The following DLC1 variants were observed in gnomAD, a reference collection of about 807,000 sequenced individuals.
DLC1 encodes rho GTPase-activating protein 7.
DLC1 carries 54 observed loss-of-function variants against 140.3 expected under a neutral mutation model. The ratio of observed to expected loss-of-function variants is 0.38; its 90% confidence interval spans 0.31 to 0.48. The LOEUF is 0.48. DLC1 is among the 20% of genes least tolerant of loss of function. The pLI is 0.96. For missense variants in DLC1, 2,536 were observed against 1,907.0 expected (o/e 1.33, Z -6.14); for synonymous variants, 986 against 728.1 (o/e 1.35, Z -5.70).
At position 13,393,142 on chromosome 8, in the gene DLC1, A is replaced by C. The variant is rs774304854; in HGVS notation, c.1314+411T>G. Among the ~76,000 whole-genome samples the C allele has an allele frequency of 9.2e-5, 14 of 151,434 alleles. 1 individual carries two copies. Among genetic ancestry groups the C allele is most frequent in the Non-Finnish European group, 4.4e-5 (3 of 67,672 alleles). Reference sequence around the variant, plus strand: ...AATCAATCAGTCTATCTGTCCATCCATCCATCCATCCATCCATCCATCATC... The same window carrying C: ...AATCAATCAGTCTATCTGTCCATCCCTCCATCCATCCATCCATCCATCATC... On this transcript the variant is annotated intron_variant, in intron 4 of 17. Transcript: ENST00000276297.
At chr8:13,552,710 T>C (rs931398860) in intron 1 of DLC1, among the ~76,000 whole-genome samples, 18 of 151,880 alleles carry the variant, frequency 1.2e-4, no homozygotes, top group African/African-American at 4.1e-4. Flanking sequence ...GAAAATGTTT[T>C]TTAAAGGGTT....
At chr8:13,442,786 G>T (rs1464835797) in intron 2 of DLC1, among the ~76,000 whole-genome samples, 3 of 152,248 alleles carry the variant, frequency 2.0e-5, no homozygotes, top group Non-Finnish European at 4.4e-5. Flanking sequence ...CATTGTGGAA[G>T]TCAGTGTGGT....
intron 2 of DLC1, among the ~76,000 whole-genome samples, chr8:13,497,339 T>C (rs1470904824): frequency 9.8e-5 from 15 of 152,342 alleles, no homozygotes; most frequent in African/African-American, 3.6e-4. Flanking sequence ...AATTGTAGTT[T>C]TCTAGGATAA....
At chr8:13,314,599 C>A (rs888004527) in intron 4 of DLC1, among the ~76,000 whole-genome samples, 5 of 152,230 alleles carry the variant, frequency 3.3e-5, no homozygotes, top group South Asian at 2.1e-4. Flanking sequence ...TCAATGCCTG[C>A]ATGTTCATCT....
intron 7 of DLC1, among the ~76,000 whole-genome samples, chr8:13,108,276 G>C (rs1819764015): frequency 1.3e-5 from 2 of 152,044 alleles, no homozygotes; most frequent in Admixed American, 6.6e-5. Context: ...CCAACCCTAG[G>C]CCTTTCTGCA....
At chr8:13,087,915 G>C (rs1817700052) in intron 16 of DLC1, among the ~76,000 whole-genome samples, 1 of 152,132 alleles carries the variant, frequency 6.6e-6, no homozygotes, top group Non-Finnish European at 1.5e-5. Context: ...ATCCTAAAAG[G>C]GGCAAAAATC....
intron 5 of DLC1, among the ~76,000 whole-genome samples, chr8:13,249,326 C>T (rs1829904200): frequency 6.6e-6 from 1 of 152,204 alleles, no homozygotes; most frequent in South Asian, 2.1e-4. Context: ...AATCCACCCG[C>T]CTCAGCCTCT....
At chr8:13,523,856 CT>C (rs200934872) in intron 1 of DLC1, among the ~76,000 whole-genome samples, 44 of 146,898 alleles carry the variant, frequency 3.0e-4, no homozygotes, top group African/African-American at 3.7e-4. Context: ...TTGTTCTGTT[CT>C]TTTTTTTTTA....
At chr8:13,567,497 C>G in intron 1 of DLC1, 13 of 1,551,986 alleles carry the variant, frequency 8.4e-6, no homozygotes, top group Non-Finnish European at 1.1e-5. Context: ...TGTACTGTAC[C>G]CGATGAACTT....
intron 1 of DLC1, among the ~76,000 whole-genome samples, chr8:13,531,859 A>G (rs976963178): frequency 2.0e-5 from 3 of 152,152 alleles, no homozygotes; most frequent in Non-Finnish European, 2.9e-5. Context: ...AAGGCTTACC[A>G]TATATTACAA....
intron 10 of DLC1, among the ~76,000 whole-genome samples, chr8:13,097,435 T>C (rs555989198): frequency 6.6e-6 from 1 of 152,162 alleles, no homozygotes; most frequent in African/African-American, 2.4e-5. Flanking sequence ...AGCTAATTTT[T>C]GTATTTTTAG....
intron 2 of DLC1, among the ~76,000 whole-genome samples, chr8:13,442,273 C>A (rs1057070135): frequency 6.6e-6 from 1 of 152,182 alleles, no homozygotes; most frequent in Non-Finnish European, 1.5e-5. Context: ...CTGTGCAATA[C>A]CATTCAGGAC....
chr8:13,168,791 G>T (rs1395663254), intron 5 of DLC1, among the ~76,000 whole-genome samples: 1 of 152,176 alleles, frequency 6.6e-6, no homozygotes, highest in Non-Finnish European at 1.5e-5. Context: ...ACGGACACAC[G>T]GGTGACCTTC....
chr8:13,450,904 T>C (rs1799009691), intron 2 of DLC1, among the ~76,000 whole-genome samples: 1 of 151,588 alleles, frequency 6.6e-6, no homozygotes, highest in Non-Finnish European at 1.5e-5. Flanking sequence ...CTGGGCATGG[T>C]GGCCTGTGCC....
At chr8:13,589,312 A>C (rs73563468) in intron 1 of DLC1, among the ~76,000 whole-genome samples, 5,142 of 152,198 alleles carry the variant, frequency 0.034, 144 homozygotes, top group East Asian at 0.15. Context: ...AAAACAAAAT[A>C]AAGTCTTTCT....
At chr8:13,346,955 C>T (rs1671337) in intron 4 of DLC1, among the ~76,000 whole-genome samples, 147,429 of 152,320 alleles carry the variant, frequency 0.97, 71,545 homozygotes, top group Middle Eastern at 1. Flanking sequence ...TCAAGATATT[C>T]TGAGAGAGAG....
At chr8:13,093,597 G>A (rs1818266492) in intron 12 of DLC1, among the ~76,000 whole-genome samples, 1 of 152,170 alleles carries the variant, frequency 6.6e-6, no homozygotes, top group Admixed American at 6.5e-5. Context: ...AGCATGTGGT[G>A]GAAAAATCAA....
intron 2 of DLC1, among the ~76,000 whole-genome samples, chr8:13,428,648 C>A (rs1305772304): frequency 6.6e-6 from 1 of 151,916 alleles, no homozygotes; most frequent in Admixed American, 6.6e-5. Context: ...AAAAGATATG[C>A]CTCGGGAGAT....
At chr8:13,256,655 T>A (rs551754718) in intron 5 of DLC1, among the ~76,000 whole-genome samples, 4 of 151,978 alleles carry the variant, frequency 2.6e-5, no homozygotes, top group African/African-American at 9.7e-5. Context: ...TTCTCACTCA[T>A]AAGTGGGAGT....
Sources: gnomAD v4.1 joint callset for allele counts (sites outside exome capture counted in the v4.1 genomes callset) on GRCh38, gnomAD v4.1.1 for gene constraint, MANE v1.5 for transcripts, NCBI Gene and HGNC (gene_info 2026-07-23, HGNC 2026-07-21) for gene names.